Variants in TRAPPC9 observed in about 807,000 individuals in gnomAD.
The protein encoded by TRAPPC9 is IKK2 binding protein.
TRAPPC9 carries 83 observed loss-of-function variants against 124.0 expected under a neutral mutation model. The observed-to-expected ratio is 0.67, with a 90% CI of 0.56 to 0.80. The LOEUF (loss-of-function observed/expected upper bound fraction) is 0.80, where lower values mean the gene tolerates loss of function less well. TRAPPC9 is among the 30% of genes least tolerant of loss of function. The probability of loss-of-function intolerance (pLI) is 0.00; values close to 1 mark genes in which losing one functional copy is unlikely to be tolerated. For synonymous variants in TRAPPC9, 638 were observed against 617.5 expected (o/e 1.03, Z -0.49); for missense variants, 1,302 against 1,508.3 (o/e 0.86, Z 2.27).
chr8:140,356,800 G>A (rs531782430), intron 9 of TRAPPC9, among the ~76,000 whole-genome samples: 38 of 149,802 alleles, frequency 2.5e-4, no homozygotes, highest in African/African-American at 8.9e-4. Context: ...AGTAGAGATG[G>A]GGTTTCACTA....
At chr8:140,367,742 A>G (rs2068162585) in intron 8 of TRAPPC9, among the ~76,000 whole-genome samples, 1 of 152,174 alleles carries the variant, frequency 6.6e-6, no homozygotes, top group Non-Finnish European at 1.5e-5. Context: ...GGTGATGATG[A>G]TGTGTCAACA....
At chr8:139,835,379 G>A (rs181706080) in intron 21 of TRAPPC9, among the ~76,000 whole-genome samples, 4 of 152,380 alleles carry the variant, frequency 2.6e-5, no homozygotes, top group Non-Finnish European at 4.4e-5. Flanking sequence ...GGGCTCCGCT[G>A]CTCTGCGACT....
chr8:140,061,574 C>A (rs1056542384), intron 17 of TRAPPC9, among the ~76,000 whole-genome samples: 1 of 152,194 alleles, frequency 6.6e-6, no homozygotes, highest in Non-Finnish European at 1.5e-5. Flanking sequence ...GGCGCCCTGT[C>A]CAGCCCCAGC....
chr8:139,996,389 A>C (rs1313032589), intron 18 of TRAPPC9, among the ~76,000 whole-genome samples: 1 of 152,034 alleles, frequency 6.6e-6, no homozygotes, highest in African/African-American at 2.4e-5. Flanking sequence ...ACCACCAATC[A>C]CATTCCAAGA....
At chr8:140,455,939 C>A (rs1394771870) in intron 1 of TRAPPC9, among the ~76,000 whole-genome samples, 1 of 152,158 alleles carries the variant, frequency 6.6e-6, no homozygotes, top group East Asian at 1.9e-4. Flanking sequence ...TGTATGATTC[C>A]ATTAATAGGA....
At chr8:140,005,038 C>G (rs906340616) in intron 18 of TRAPPC9, among the ~76,000 whole-genome samples, 4 of 152,132 alleles carry the variant, frequency 2.6e-5, no homozygotes, top group African/African-American at 9.7e-5. Context: ...GCCAGGGAAC[C>G]TAATTCAATC....
intron 16 of TRAPPC9, among the ~76,000 whole-genome samples, chr8:140,248,669 T>C (rs2064045578): frequency 6.6e-6 from 1 of 152,246 alleles, no homozygotes; most frequent in Admixed American, 6.5e-5. Flanking sequence ...TGCCACCATC[T>C]TCCAGGACTT....
At chr8:140,194,710 T>G (rs55676417) in intron 17 of TRAPPC9, among the ~76,000 whole-genome samples, 2 of 151,928 alleles carry the variant, frequency 1.3e-5, no homozygotes, top group Non-Finnish European at 2.9e-5. Context: ...TCAACTGTCT[T>G]TGAAGCTTTA....
intron 9 of TRAPPC9, among the ~76,000 whole-genome samples, chr8:140,326,234 A>G (rs958043487): frequency 6.6e-6 from 1 of 151,784 alleles, no homozygotes; most frequent in Non-Finnish European, 1.5e-5. Context: ...AAAAAAAAAA[A>G]AAAAAGAAGA....
chr8:140,450,770 G>C lies in TRAPPC9; in HGVS notation c.584+20C>G, dbSNP rs779838891. 1.9e-6 allele frequency: 3 copies of C among 1,581,608 alleles called. No individual in the cohort carries two copies. Among genetic ancestry groups the C allele is most frequent in the Non-Finnish European group, 2.6e-6 (3 of 1,159,154 alleles). On this transcript the variant is annotated intron_variant, in intron 2 of 22. Transcript: ENST00000438773. ...CTGATGCAGGGAAGCCAAGGGGCCT[G>C]GGTCTCTAGGTAAGCTTACCTGCTG...
chr8:140,424,623 G>C (rs2070358214), intron 5 of TRAPPC9, among the ~76,000 whole-genome samples: 1 of 144,984 alleles, frequency 6.9e-6, no homozygotes, highest in African/African-American at 2.6e-5. Context: ...CTTGGCGGCA[G>C]AGTGAGAACC....
intron 17 of TRAPPC9, chr8:140,096,375 A>T (rs1844947417): frequency 6.6e-6 from 1 of 152,226 alleles, no homozygotes; most frequent in African/African-American, 2.4e-5. Context: ...TTAGATGTTA[A>T]CAGGATCCCT....
At chr8:140,174,564 G>A (rs1291021454) in intron 17 of TRAPPC9, among the ~76,000 whole-genome samples, 2 of 152,060 alleles carry the variant, frequency 1.3e-5, no homozygotes, top group East Asian at 1.9e-4. Context: ...AGTCACTCCC[G>A]ATTCCCCCTC....
chr8:139,757,853 G>A (rs1055673286), intron 21 of TRAPPC9, among the ~76,000 whole-genome samples: 2 of 152,154 alleles, frequency 1.3e-5, no homozygotes, highest in African/African-American at 4.8e-5. Flanking sequence ...CCCTGTCCAA[G>A]GGGGAATCCC....
At chr8:140,204,739 G>A (rs2131195822) in intron 17 of TRAPPC9, among the ~76,000 whole-genome samples, 1 of 152,350 alleles carries the variant, frequency 6.6e-6, no homozygotes, top group African/African-American at 2.4e-5. Flanking sequence ...ACCAGAAGCA[G>A]ATGCTGGCAC....
chr8:139,851,631 G>A (rs946350928), intron 21 of TRAPPC9, among the ~76,000 whole-genome samples: 4 of 152,200 alleles, frequency 2.6e-5, no homozygotes, highest in Admixed American at 6.5e-5. Context: ...GGGAATCCTG[G>A]AGAGTGCCGG....
intron 8 of TRAPPC9, among the ~76,000 whole-genome samples, chr8:140,361,037 A>G (rs557700735): frequency 2.1e-4 from 32 of 152,350 alleles, no homozygotes; most frequent in African/African-American, 7.5e-4. Context: ...GCTCCCAGCC[A>G]ATCTGTGTTA....
At chr8:139,886,999 A>G (rs74623828) in intron 20 of TRAPPC9, among the ~76,000 whole-genome samples, 3,484 of 152,232 alleles carry the variant, frequency 0.023, 157 homozygotes, top group African/African-American at 0.08. Context: ...CTGCTGGCTC[A>G]TGGGGGAGTC....
chr8:140,111,442 T>TG (rs2060773741), intron 17 of TRAPPC9, among the ~76,000 whole-genome samples: 1 of 152,190 alleles, frequency 6.6e-6, no homozygotes, highest in African/African-American at 2.4e-5. Flanking sequence ...TTGCTGCCTC[T>TG]GGAACATGGT....
Sources: allele counts gnomAD v4.1 joint callset (sites outside exome capture counted in the v4.1 genomes callset), GRCh38; gene constraint gnomAD v4.1.1; transcripts MANE v1.5; gene names NCBI Gene and HGNC (gene_info 2026-07-23, HGNC 2026-07-21).